Variants in CNGB1 observed in about 807,000 individuals in gnomAD.
CNGB1 encodes cyclic nucleotide-gated channel beta-1.
CNGB1 carries 126 observed loss-of-function variants against 151.7 expected under a neutral mutation model. The ratio of observed to expected loss-of-function variants is 0.83; its 90% CI spans 0.72 to 0.96. The LOEUF is 0.96. Among genes scored for constraint, CNGB1 ranks in the 40% least tolerant of loss-of-function variants. The pLI is 0.00. For missense variants in CNGB1, 1,698 were observed against 1,627.0 expected, an observed-to-expected ratio of 1.04 and a Z score of -0.75; for synonymous variants, 623 against 635.1, an observed-to-expected ratio of 0.98 and a Z score of 0.29.
chr16:57,919,092 G>C lies in CNGB1; in HGVS notation c.1957+7C>G, dbSNP rs754362006. 30 of 1,614,024 alleles carry C rather than the reference G, an allele frequency of 1.9e-5. No individual in the cohort carries two copies. The highest frequency in any genetic ancestry group is 5.1e-6 in the Non-Finnish European group (6 of 1,180,034). ...CACAGTGGGAACACCCATTCCCCAG[G>C]ACTCACTGGTCAGCGGGTCAATGCT... On this transcript the variant is annotated splice_region_variant and intron_variant, in intron 20 of 32. Coordinates refer to ENST00000251102, the MANE Select transcript of CNGB1 (RefSeq NM_001297.5).
chr16:57,963,215 A>T (rs1962307061), intron 4 of CNGB1, 151 bp from the exon 5 acceptor site: 1 of 762,478 alleles, frequency 1.3e-6, no homozygotes, highest in Admixed American at 1.8e-5. Context: ...TACATGTACC[A>T]CTGGCCCAAG....
At chr16:57,910,653 C>A (rs912317017) in intron 25 of CNGB1, among the ~76,000 whole-genome samples, 1 of 145,462 alleles carries the variant, frequency 6.9e-6, no homozygotes, top group Non-Finnish European at 1.5e-5. Flanking sequence ...GGATTACAGG[C>A]GTGAGCCACC....
At chr16:57,937,154 C>T (rs563410169) in intron 16 of CNGB1, 6 of 152,708 alleles carry the variant, frequency 3.9e-5, no homozygotes, top group South Asian at 2.1e-4. Flanking sequence ...GCTGGTTCTC[C>T]GGGAGGTGAG....
intron 32 of CNGB1, among the ~76,000 whole-genome samples, chr16:57,886,810 C>T (rs1596944457): frequency 6.6e-6 from 1 of 152,316 alleles, no homozygotes; most frequent in Middle Eastern, 3.4e-3. Context: ...TTAATGTCCC[C>T]CATAGGTTTA....
At chr16:57,912,018 T>C in intron 24 of CNGB1, 143 bp from the exon 25 acceptor site, 1 of 1,075,890 alleles carries the variant, frequency 9.3e-7, no homozygotes, top group Non-Finnish European at 1.4e-6. Context: ...AGGGTGGTGC[T>C]TGAATGGGGC....
rs751822516 is a variant in CNGB1 at position 57,887,951 on chromosome 16, C to T, written c.3366G>A (p.Lys1122=). Residue 1122 remains lysine, a synonymous_variant, in exon 32 of 33, where the codon AAG becomes AAA. Transcript: ENST00000251102. ...GAGCAAGTTTGCCGCCTTTTGCCCC[C>T]TTGCCACCCATCTTTCCTGTCATAG... is the stretch of plus-strand genomic sequence containing the variant. ...ALAMTGKMGG[K]GAKGGKLAHL... 188 of 1,614,226 alleles carry T rather than the reference C, an allele frequency of 1.2e-4. 1 individual carries two copies. Among genetic ancestry groups the T allele is most frequent in the Non-Finnish European group, 1.7e-5 (20 of 1,180,028 alleles).
chr16:57,934,374 C>A (rs1462006108), intron 16 of CNGB1, among the ~76,000 whole-genome samples: 1 of 152,016 alleles, frequency 6.6e-6, no homozygotes, highest in East Asian at 1.9e-4. Context: ...GTAGAACCTG[C>A]AATGAGTCAA....
chr16:57,897,471 G>A lies in CNGB1; in HGVS notation c.3168C>T (p.Ile1056=). ...VVAHGFTNLF[I]LDKKDLNEIL... is the part of the protein sequence containing the mutation. ...TCTCATTCAGGTCCTTCTTATCCAG[G>A]ATGAAGAGGTTGGTAAACCCGTGCG... The change falls in exon 31 of 33, where the codon ATC becomes ATT. Residue 1056 remains isoleucine, a synonymous_variant. Coordinates refer to ENST00000251102, the MANE Select transcript of CNGB1 (RefSeq NM_001297.5). 1 of 1,614,198 alleles carries A rather than the reference G, an allele frequency of 6.2e-7. No individual in the cohort carries two copies. The highest frequency in any genetic ancestry group is 8.5e-7 in the Non-Finnish European group (1 of 1,180,030).
intron 17 of CNGB1, among the ~76,000 whole-genome samples, chr16:57,927,455 T>C (rs1469025926): frequency 1.3e-5 from 2 of 152,218 alleles, no homozygotes; most frequent in African/African-American, 2.4e-5. Flanking sequence ...CTGTTTCTCA[T>C]AGTCACAGTC....
At chr16:57,903,213 C>G (rs1960437953) in intron 27 of CNGB1, among the ~76,000 whole-genome samples, 1 of 130,626 alleles carries the variant, frequency 7.7e-6, no homozygotes, top group Non-Finnish European at 1.6e-5. Flanking sequence ...TCAATTTAAA[C>G]TGCACTTCGG....
chr16:57,965,142 A>C (rs1225815729), intron 2 of CNGB1, among the ~76,000 whole-genome samples: 1 of 152,256 alleles, frequency 6.6e-6, no homozygotes, highest in Non-Finnish European at 1.5e-5. Context: ...TCATGCACAT[A>C]CATACATGAA....
At chr16:57,937,522 T>C (rs1301856033) in intron 16 of CNGB1, among the ~76,000 whole-genome samples, 1 of 152,178 alleles carries the variant, frequency 6.6e-6, no homozygotes, top group Non-Finnish European at 1.5e-5. Context: ...CATCAGGTCA[T>C]GTGGCTGGCC....
At chr16:57,939,682 C>A in intron 15 of CNGB1, 90 bp from the exon 16 acceptor site, 1 of 1,547,140 alleles carries the variant, frequency 6.5e-7, no homozygotes. Flanking sequence ...TTCAGAAGTC[C>A]ACATGGGCCC....
intron 32 of CNGB1, among the ~76,000 whole-genome samples, chr16:57,887,175 C>T (rs1469580534): frequency 1.3e-5 from 2 of 152,222 alleles, no homozygotes; most frequent in Non-Finnish European, 2.9e-5. Context: ...TGTGAGCTAC[C>T]ATGCCTGACC....
At chr16:57,894,224 C>T (rs1960165585) in intron 31 of CNGB1, among the ~76,000 whole-genome samples, 1 of 152,154 alleles carries the variant, frequency 6.6e-6, no homozygotes, top group Admixed American at 6.6e-5. Context: ...CAATGATTTC[C>T]GGGTTTTGTC....
chr16:57,923,224 CACCCTCCCCG>C, intron 18 of CNGB1, 39 bp downstream of exon 18: 4 of 1,337,126 alleles, frequency 3.0e-6, no homozygotes, highest in Non-Finnish European at 4.2e-6. Flanking sequence ...CCACATCCCC[CACCCTCCCCG>C]CAGTCTTTCA....
chr16:57,932,095 C>G (rs930744314), intron 16 of CNGB1, among the ~76,000 whole-genome samples: 1 of 152,132 alleles, frequency 6.6e-6, no homozygotes, highest in African/African-American at 2.4e-5. Flanking sequence ...CCAGGAGCCA[C>G]GAAAGAAGCC....
chr16:57,915,982 T>C, intron 22 of CNGB1, 147 bp downstream of exon 22: 1 of 799,474 alleles, frequency 1.3e-6, no homozygotes, highest in South Asian at 1.3e-5. Flanking sequence ...TCCTGGGGCT[T>C]GTGGTTTGGA....
chr16:57,906,061 C>G (rs756798532), intron 25 of CNGB1, among the ~76,000 whole-genome samples: 1 of 152,200 alleles, frequency 6.6e-6, no homozygotes, highest in Non-Finnish European at 1.5e-5. Context: ...TCAGAAGGGC[C>G]TAGACACTGG....
Sources: allele counts gnomAD v4.1 joint callset (sites outside exome capture counted in the v4.1 genomes callset), GRCh38; gene constraint gnomAD v4.1.1; transcripts MANE v1.5; gene names NCBI Gene and HGNC (gene_info 2026-07-23, HGNC 2026-07-21).